Variants in KALRN observed in about 807,000 individuals in gnomAD.
The protein encoded by KALRN is kalirin RhoGEF kinase.
A neutral mutation model predicts 353.7 loss-of-function variants in KALRN; 70 were observed. The ratio of observed to expected loss-of-function variants is 0.20; its 90% confidence interval spans 0.16 to 0.24. KALRN has a LOEUF of 0.24. KALRN is among the 10% of genes least tolerant of loss of function. KALRN has a pLI of 1.00. For missense variants in KALRN, 2,791 were observed against 3,756.7 expected (o/e 0.74, Z 6.72); for synonymous variants, 1,391 against 1,434.8 (o/e 0.97, Z 0.69).
chr3:124,676,188 C>T (rs1296705185), intron 49 of KALRN, among the ~76,000 whole-genome samples: 4 of 152,188 alleles, frequency 2.6e-5, no homozygotes, highest in African/African-American at 7.2e-5. Flanking sequence ...TTATCCATAC[C>T]TTCCATGGGA....
chr3:124,597,930 G>C (rs767180156), intron 34 of KALRN, among the ~76,000 whole-genome samples: 1 of 152,184 alleles, frequency 6.6e-6, no homozygotes, highest in Non-Finnish European at 1.5e-5. Context: ...AGAAGATAGT[G>C]AAGTGTAGGA....
chr3:124,251,794 T>C (rs2071213063), intron 3 of KALRN, among the ~76,000 whole-genome samples: 1 of 152,174 alleles, frequency 6.6e-6, no homozygotes, highest in African/African-American at 2.4e-5. Context: ...TTTATGGCTA[T>C]ACCTGGGAAT....
intron 33 of KALRN, among the ~76,000 whole-genome samples, chr3:124,536,552 C>T (rs1258183825): frequency 6.6e-6 from 1 of 152,302 alleles, no homozygotes; most frequent in Non-Finnish European, 1.5e-5. Context: ...ATCCATTGTA[C>T]ATATCTAATT....
intron 34 of KALRN, among the ~76,000 whole-genome samples, chr3:124,596,116 G>A (rs2076239866): frequency 6.6e-6 from 1 of 150,842 alleles, no homozygotes; most frequent in South Asian, 2.1e-4. Context: ...TTATTGTATT[G>A]CTTTTAACCC....
At chr3:124,505,390 G>A (rs1039983977) in intron 33 of KALRN, among the ~76,000 whole-genome samples, 2 of 152,172 alleles carry the variant, frequency 1.3e-5, no homozygotes, top group African/African-American at 4.8e-5. Context: ...ACTACTTTGA[G>A]AGGCCAAGGT....
intron 33 of KALRN, among the ~76,000 whole-genome samples, chr3:124,502,379 C>A (rs538993068): frequency 6.6e-6 from 1 of 152,124 alleles, no homozygotes; most frequent in Non-Finnish European, 1.5e-5. Context: ...GGGGGCCAGC[C>A]GTTTGTGTCG....
At chr3:124,476,607 CAG>C (rs1360286766) in intron 26 of KALRN, among the ~76,000 whole-genome samples, 8 of 152,068 alleles carry the variant, frequency 5.3e-5, no homozygotes, top group African/African-American at 1.4e-4. Context: ...AACGCTAACC[CAG>C]AGAGTCTTCA....
intron 31 of KALRN, chr3:124,491,745 A>G (rs772795140): frequency 1.8e-4 from 39 of 218,558 alleles, no homozygotes; most frequent in Non-Finnish European, 3.2e-4. Context: ...GGCAAGAACA[A>G]TTGACGCTTT....
intron 5 of KALRN, among the ~76,000 whole-genome samples, chr3:124,296,101 C>A (rs1396152017): frequency 6.6e-6 from 1 of 152,178 alleles, no homozygotes; most frequent in African/African-American, 2.4e-5. Flanking sequence ...ATCTCCAAAT[C>A]ATGCACGTTT....
intron 34 of KALRN, among the ~76,000 whole-genome samples, chr3:124,599,623 T>G (rs1187613140): frequency 2.0e-5 from 3 of 152,354 alleles, no homozygotes; most frequent in South Asian, 2.1e-4. Context: ...GCTGTAGACC[T>G]GTTTCTGTAA....
At chr3:124,446,705 A>G (rs972942801) in intron 20 of KALRN, 58 bp from the exon 21 acceptor site, 27 of 1,607,184 alleles carry the variant, frequency 1.7e-5, no homozygotes, top group Non-Finnish European at 2.2e-5. Flanking sequence ...GTAGTATGGC[A>G]TGTTTTCCTA....
chr3:124,668,378 G>C (rs913929199), intron 47 of KALRN, among the ~76,000 whole-genome samples: 12 of 152,218 alleles, frequency 7.9e-5, no homozygotes, highest in African/African-American at 2.9e-4. Flanking sequence ...TCTGGGCCTT[G>C]TGGCTGGTTT....
At chr3:124,645,626 T>TTCTCTCTCTC (rs71145472) in intron 37 of KALRN, among the ~76,000 whole-genome samples, 6 of 133,554 alleles carry the variant, frequency 4.5e-5, no homozygotes, top group South Asian at 4.9e-4. Flanking sequence ...TGAATAATAT[T>TTCTCTCTCTC]TCTCTCTCTC....
chr3:124,420,763 A>G (rs2092743299), intron 14 of KALRN, among the ~76,000 whole-genome samples: 1 of 152,216 alleles, frequency 6.6e-6, no homozygotes, highest in Admixed American at 6.5e-5. Flanking sequence ...GTCCTTATAT[A>G]AAACACTATT....
intron 6 of KALRN, among the ~76,000 whole-genome samples, chr3:124,318,778 G>A (rs2079047805): frequency 6.6e-6 from 1 of 152,178 alleles, no homozygotes; most frequent in African/African-American, 2.4e-5. Context: ...ACAAGAAAAA[G>A]GGAGCAATAA....
At chr3:124,502,611 A>C (rs944689223) in intron 33 of KALRN, among the ~76,000 whole-genome samples, 1 of 152,172 alleles carries the variant, frequency 6.6e-6, no homozygotes, top group East Asian at 1.9e-4. Context: ...CCATCTCCTC[A>C]TCTGTGCAAT....
At chr3:124,316,599 T>G (rs1276500605) in intron 6 of KALRN, among the ~76,000 whole-genome samples, 1 of 152,236 alleles carries the variant, frequency 6.6e-6, no homozygotes, top group Non-Finnish European at 1.5e-5. Flanking sequence ...ATGGCTCACC[T>G]TCTTACTTCA....
At chr3:124,492,702 A>G in intron 31 of KALRN, 38 bp from the exon 32 acceptor site, 1 of 1,607,292 alleles carries the variant, frequency 6.2e-7, no homozygotes, top group Non-Finnish European at 8.5e-7. Context: ...AGGTGATGGG[A>G]GTTGGGGTTC....
intron 1 of KALRN, among the ~76,000 whole-genome samples, chr3:124,084,895 G>A (rs953118488): frequency 6.6e-6 from 1 of 152,192 alleles, no homozygotes. Flanking sequence ...GATGTTCAGA[G>A]TCTTCCATAT....
Sources: gnomAD v4.1 joint callset for allele counts (sites outside exome capture counted in the v4.1 genomes callset) on GRCh38, gnomAD v4.1.1 for gene constraint, MANE v1.5 for transcripts, NCBI Gene and HGNC (gene_info 2026-07-23, HGNC 2026-07-21) for gene names.